EP400: variants seen among roughly 807,000 people sequenced by gnomAD.
EP400 encodes E1A-binding protein p400.
EP400 carries 105 observed loss-of-function variants against 354.1 expected under a neutral mutation model. The observed-to-expected ratio is 0.30, with a 90% CI of 0.25 to 0.35. The LOEUF (loss-of-function observed/expected upper bound fraction) is 0.35, where lower values mean the gene tolerates loss of function less well. Among genes scored for constraint, EP400 ranks in the 10% least tolerant of loss-of-function variants. The pLI, the probability that EP400 is intolerant of heterozygous loss-of-function variation, is 1.00. For missense variants in EP400, 3,280 were observed against 4,121.0 expected (o/e 0.80, Z 5.59); for synonymous variants, 1,646 against 1,716.9 (o/e 0.96, Z 1.02).
chr12:132,043,510 C>G, intron 33 of EP400, 48 bp downstream of exon 33: 1 of 1,593,772 alleles, frequency 6.3e-7, no homozygotes, highest in Non-Finnish European at 8.5e-7. Context: ...AAATTTGACG[C>G]TTCTATAAAA....
chr12:132,063,358 C>A (rs1324352135), intron 47 of EP400, among the ~76,000 whole-genome samples: 1 of 152,130 alleles, frequency 6.6e-6, no homozygotes, highest in Non-Finnish European at 1.5e-5. Context: ...ACTAGAAATA[C>A]AAAAATTAGC....
chr12:131,957,732 A>G (rs1235461946), intron 1 of EP400, among the ~76,000 whole-genome samples: 1 of 152,070 alleles, frequency 6.6e-6, no homozygotes, highest in Admixed American at 6.6e-5. Flanking sequence ...AGTAGCTGGG[A>G]TTACAGACGT....
At position 132,017,419 on chromosome 12, in the gene EP400, C is replaced by A; in HGVS notation, c.3924-116C>A. 1.8e-6 allele frequency: 2 copies of A among 1,096,320 alleles called. No individual in the cohort carries two copies. The highest frequency in any genetic ancestry group is 1.3e-6 in the Non-Finnish European group (1 of 754,734). The allele number at this position is 1,096,320 out of a possible 1,614,324, so 67.9% of individuals were successfully genotyped here. On this transcript the variant is annotated intron_variant, in intron 19 of 52. Transcript: ENST00000389561. The surrounding 1 kb of genome is among the most constrained non-coding windows in gnomAD (Gnocchi z 5.0). ...CACTCTGTCTAACTCATTAAGCGGA[C>A]CTAGAAAATCTGCTCCTGCCTGCCT...
chr12:132,069,728 C>A, intron 51 of EP400, 87 bp downstream of exon 51: 1 of 1,562,276 alleles, frequency 6.4e-7, no homozygotes, highest in South Asian at 1.2e-5. Context: ...TGCGAGCTCC[C>A]AGCCCTTGCG....
intron 13 of EP400, among the ~76,000 whole-genome samples, chr12:132,005,620 G>T (rs566149596): frequency 6.6e-6 from 1 of 152,164 alleles, no homozygotes; most frequent in African/African-American, 2.4e-5. Context: ...ACCTGCATGC[G>T]AGTTGGGGAG....
At chr12:132,059,791 G>A (rs1241475197) in intron 45 of EP400, among the ~76,000 whole-genome samples, 1 of 152,022 alleles carries the variant, frequency 6.6e-6, no homozygotes, top group East Asian at 1.9e-4. Context: ...CAAGGCGGGC[G>A]GATCACGAGG....
intron 22 of EP400, 23 bp downstream of exon 22, chr12:132,020,241 C>G (rs1593351598): frequency 6.4e-7 from 1 of 1,572,904 alleles, no homozygotes; most frequent in South Asian, 1.2e-5. Context: ...TAGTTGTCTG[C>G]TCTCCGCCTT....
intron 5 of EP400, among the ~76,000 whole-genome samples, chr12:131,982,969 C>CAAAAA (rs57882341): frequency 8.9e-6 from 1 of 112,404 alleles, no homozygotes; most frequent in African/African-American, 2.8e-5. Flanking sequence ...GACTCTGTCT[C>CAAAAA]AAAAAAAAAA....
chr12:131,977,516 T>C (rs959055375), intron 2 of EP400, among the ~76,000 whole-genome samples: 1 of 151,966 alleles, frequency 6.6e-6, no homozygotes, highest in African/African-American at 2.4e-5. Context: ...TTTTTTTTTT[T>C]TAATTAAAAA....
chr12:132,064,886 C>T lies in EP400; in HGVS notation c.8553C>T (p.Leu2851=), dbSNP rs1451775438. The T allele has an allele frequency of 5.0e-6, 8 of 1,602,638 alleles. No homozygotes were observed. The highest frequency in any genetic ancestry group is 2.2e-5 in the South Asian group (2 of 90,510). ...TTVANLQVAR[L]TRVPTSQLQA... The stretch of plus-strand genomic sequence containing the variant: ...TGGCCAACCTCCAGGTGGCCCGGCT[C>T]GTAAGTGTCAGTTTCTGTTTGTTTT... The change falls in exon 48 of 53, where the codon CTC becomes CTT. Residue 2851 remains leucine, a splice_region_variant and synonymous_variant. Transcript: ENST00000389561.
intron 50 of EP400, 43 bp from the exon 51 acceptor site, chr12:132,069,452 G>A (rs758912834): frequency 6.3e-6 from 10 of 1,599,438 alleles, no homozygotes; most frequent in Admixed American, 1.7e-5. Context: ...AGTCTTGAGC[G>A]CGGCATGGTC....
At chr12:131,992,295 CA>C (rs929752505) in intron 11 of EP400, 65 bp downstream of exon 11, 1 of 1,468,144 alleles carries the variant, frequency 6.8e-7, no homozygotes, top group Admixed American at 1.9e-5. Context: ...CACAGAGCTG[CA>C]GCGACTTGGG....
In EP400 at chr12:132,067,372, G is replaced by A. The variant is rs1254100805; in HGVS notation, c.8760G>A (p.Val2920=). 3 of 1,613,510 alleles carry A rather than the reference G, an allele frequency of 1.9e-6. No individual in the cohort carries two copies. Among genetic ancestry groups the A allele is most frequent in the South Asian group, 1.1e-5 (1 of 91,064 alleles). The change falls in exon 50 of 53, where the codon GTG becomes GTA. Residue 2920 remains valine (V), a synonymous_variant. Transcript: ENST00000389561. This position sits in a 1 kb window ranked among gnomAD's most constrained non-coding sequence, Gnocchi z 5.3. The part of the protein sequence containing the change: ...GQPQKAAGQT[V]VAQPVHMQQL... ...TTTTGCTGCCTGCAGGACAGACCGT[G>A]GTGGCCCAGCCCGTGCACATGCAGC...
chr12:131,960,227 G>T (rs1287050669), intron 1 of EP400, among the ~76,000 whole-genome samples: 1 of 152,232 alleles, frequency 6.6e-6, no homozygotes, highest in Non-Finnish European at 1.5e-5. Context: ...CAGTCTCCTA[G>T]TCCTTCAAAT....
rs1235592213 is a variant in EP400, at chr12:131,963,026, T to C, written c.1335+1072T>C. Among the ~76,000 whole-genome samples, 4 of 152,356 alleles carry C rather than the reference T, an allele frequency of 2.6e-5. No individual in the cohort carries two copies. The South Asian group carries it at 6.2e-4, about 24-fold the overall frequency. ...TTTGTTTTTCAACAGGTTTATATGATTATTTTGAGGATTTCACCTCTATTG... is the reference window on the plus strand; with the variant it reads ...TTTGTTTTTCAACAGGTTTATATGACTATTTTGAGGATTTCACCTCTATTG... On this transcript the variant is annotated intron_variant, in intron 2 of 52. Coordinates refer to ENST00000389561, the MANE Select transcript of EP400 (RefSeq NM_015409.5).
chr12:131,994,442 G>A lies in EP400; in HGVS notation c.2738-425G>A, dbSNP rs959128113. Among the ~76,000 whole-genome samples the A allele has an allele frequency of 5.9e-5, 9 of 152,144 alleles. No homozygotes were observed. The highest frequency in any genetic ancestry group is 1.3e-4 in the Non-Finnish European group (9 of 68,028). On this transcript the variant is annotated intron_variant, in intron 11 of 52. Transcript: ENST00000389561. The surrounding 1 kb of genome is among the most constrained non-coding windows in gnomAD (Gnocchi z 4.6). The stretch of plus-strand genomic sequence containing the variant: ...TCAGGGCTGGAGGGCTGAAGAGAGC[G>A]GAGTGGGCTTGGGTTGGTGATTGTG...
Position 132,047,302 on chromosome 12 carries a change from A to C in EP400, c.7200+1402A>C, listed in dbSNP as rs140376008. 6.2e-3 allele frequency among the ~76,000 whole-genome samples: 942 copies of C among 152,340 alleles called. 4 individuals carry two copies. Among genetic ancestry groups the C allele is most frequent in the Non-Finnish European group, 7.8e-3 (533 of 68,034 alleles). ...TTTTCTGTGTTTTGGAAGCATTTAT[A>C]ATAATAGCCATTACCTTATTATGGA... On this transcript the variant is annotated intron_variant, in intron 39 of 52. Transcript: ENST00000389561.
At chr12:131,966,517 A>G (rs906683454) in intron 2 of EP400, among the ~76,000 whole-genome samples, 12 of 145,888 alleles carry the variant, frequency 8.2e-5, no homozygotes, top group African/African-American at 2.8e-4. Context: ...GAGCTGAGAC[A>G]GCGCCACTGC....
intron 51 of EP400, among the ~76,000 whole-genome samples, chr12:132,074,174 C>T (rs945446810): frequency 1.4e-4 from 21 of 152,056 alleles, no homozygotes; most frequent in African/African-American, 2.9e-4. Flanking sequence ...ATCCACCTGC[C>T]TCGGCCTCCC....
Sources: gnomAD v4.1 joint callset for allele counts (sites outside exome capture counted in the v4.1 genomes callset) on GRCh38, gnomAD v4.1.1 for gene constraint, Gnocchi (gnomAD v3.1) non-coding constraint, MANE v1.5 for transcripts, NCBI Gene and HGNC (gene_info 2026-07-23, HGNC 2026-07-21) for gene names.